Variants in AFDN observed in about 807,000 individuals in gnomAD.
AFDN encodes the protein afadin.
A neutral mutation model predicts 216.6 loss-of-function variants in AFDN; 68 were observed. The observed-to-expected ratio is 0.31, with a 90% CI of 0.26 to 0.38. The LOEUF is 0.38. Among genes scored for constraint, AFDN ranks in the 10% least tolerant of loss-of-function variants. The pLI, the probability that AFDN is intolerant of heterozygous loss-of-function variation, is 1.00. For synonymous variants in AFDN, 868 were observed against 853.7 expected (o/e 1.02, Z -0.29); for missense variants, 2,136 against 2,342.0 (o/e 0.91, Z 1.82).
intron 23 of AFDN, among the ~76,000 whole-genome samples, chr6:167,934,284 G>A (rs1332245216): frequency 6.6e-6 from 1 of 152,170 alleles, no homozygotes; most frequent in Non-Finnish European, 1.5e-5. Context: ...CTTGCTCATA[G>A]ATATCAAGCT....
chr6:167,969,261 C>T lies in AFDN; in HGVS notation c.5342+63C>T, dbSNP rs921319683. On this transcript the variant is annotated intron_variant, in intron 33 of 33. Transcript: ENST00000683244. Reference sequence around the variant, plus strand: ...ACCTGATGAGCCCTTTCACTCTTCACGACACCTTGAGATTATGTAAACAGA... The same window carrying T: ...ACCTGATGAGCCCTTTCACTCTTCATGACACCTTGAGATTATGTAAACAGA... The T allele has an allele frequency of 2.7e-5, 34 of 1,242,670 alleles. No homozygotes were observed. In the South Asian group the frequency reaches 2.8e-4, roughly 10 times the overall value. The allele number at this position is 1,242,670 out of a possible 1,614,324, so 77.0% of individuals were successfully genotyped here.
In AFDN at chr6:167,898,453, A is replaced by G. The variant is rs772175077; in HGVS notation, c.1566A>G (p.Pro522=). Residue 522 remains proline (P), a synonymous_variant, in exon 11 of 34, where the codon CCA becomes CCG. Coordinates refer to ENST00000683244, the MANE Select transcript of AFDN (RefSeq NM_001386888.1). The part of the protein sequence containing the change: ...SVDGGLMVKG[P]RHKPGIVQET... ...ATGGAGGCCTGATGGTTAAGGGCCCAAGACATAAACCTGGGTAAATAGATT... is the reference window on the plus strand; with the variant it reads ...ATGGAGGCCTGATGGTTAAGGGCCCGAGACATAAACCTGGGTAAATAGATT... 1.2e-6 allele frequency: 2 copies of G among 1,614,180 alleles called. No homozygotes were observed. Among genetic ancestry groups the G allele is most frequent in the Admixed American group, 1.7e-5 (1 of 60,030 alleles).
chr6:167,909,224 A>G (rs1644553816), intron 13 of AFDN, among the ~76,000 whole-genome samples: 1 of 152,112 alleles, frequency 6.6e-6, no homozygotes, highest in South Asian at 2.1e-4. Flanking sequence ...AAATCATTAG[A>G]TCATAAACTA....
At chr6:167,906,376 T>C (rs898055912) in intron 12 of AFDN, among the ~76,000 whole-genome samples, 1 of 152,178 alleles carries the variant, frequency 6.6e-6, no homozygotes, top group Non-Finnish European at 1.5e-5. Context: ...ATGGAAAATA[T>C]GAAAAGCTGG....
chr6:167,956,382 G>T (rs1434177378), intron 30 of AFDN, among the ~76,000 whole-genome samples: 1 of 152,058 alleles, frequency 6.6e-6, no homozygotes, highest in South Asian at 2.1e-4. Context: ...AAAGTTGGGA[G>T]GCTGCCTGCA....
chr6:167,861,184 G>C (rs1170680270), intron 1 of AFDN, among the ~76,000 whole-genome samples: 4 of 152,102 alleles, frequency 2.6e-5, no homozygotes, highest in Non-Finnish European at 5.9e-5. Flanking sequence ...AGATTCTGTG[G>C]AATTATTCAC....
At chr6:167,831,555 G>GA (rs1413931685) in intron 1 of AFDN, among the ~76,000 whole-genome samples, 1 of 152,122 alleles carries the variant, frequency 6.6e-6, no homozygotes, top group Non-Finnish European at 1.5e-5. Flanking sequence ...TCCTGCCAGT[G>GA]AAAAATAATT....
At position 167,956,120 on chromosome 6, in the gene AFDN, A is replaced by C. The variant is rs1018200132; in HGVS notation, c.4833+3933A>C. Among the ~76,000 whole-genome samples the C allele has an allele frequency of 1.0e-4, 15 of 149,764 alleles. 1 individual carries two copies. The highest frequency in any genetic ancestry group is 3.5e-3 in the Middle Eastern group (1 of 286). Reference sequence around the variant, plus strand: ...ACAGAGCGAGACTTTGGCTCAAAAAAAAAAAAAAAAAAAAAAAAAACTATA... The same window carrying C: ...ACAGAGCGAGACTTTGGCTCAAAAACAAAAAAAAAAAAAAAAAAAACTATA... On this transcript the variant is annotated intron_variant, in intron 30 of 33. Transcript: ENST00000683244.
chr6:167,861,619 A>C (rs1783583787), intron 1 of AFDN, among the ~76,000 whole-genome samples: 1 of 152,130 alleles, frequency 6.6e-6, no homozygotes, highest in East Asian at 1.9e-4. Context: ...CATGAAGGTG[A>C]CTTTAAGTGG....
Position 167,924,946 on chromosome 6 carries a change from A to G in AFDN, c.3013-59A>G, listed in dbSNP as rs114797044. On this transcript the variant is annotated intron_variant, in intron 22 of 33. Coordinates refer to ENST00000683244, the MANE Select transcript of AFDN (RefSeq NM_001386888.1). The stretch of plus-strand genomic sequence containing the variant: ...TGATTGACTAGATCATGAGTTGTCT[A>G]ACCATACAGAAGCACTTCCATTTCA... 2,976 of 1,184,202 alleles carry G rather than the reference A, an allele frequency of 2.5e-3. 60 individuals carry two copies. The African/African-American group carries it at 0.037, about 15-fold the overall frequency. The allele number at this position is 1,184,202 out of a possible 1,614,324, so 73.4% of individuals were successfully genotyped here.
rs1381224367 is a variant in AFDN, at chr6:167,970,656, T to C, written c.*721T>C. On this transcript the variant is annotated 3_prime_UTR_variant, in exon 34 of 34. Transcript: ENST00000683244. ...TTTTGAGGATTTAAGCTTAGGGGATTTTATTTTTATAAATACCAGATTATT... is the reference window on the plus strand; with the variant it reads ...TTTTGAGGATTTAAGCTTAGGGGATCTTATTTTTATAAATACCAGATTATT... 2 of 209,076 alleles carry C rather than the reference T, an allele frequency of 9.6e-6. No homozygotes were observed. Among genetic ancestry groups the C allele is most frequent in the African/African-American group, 4.5e-5 (2 of 43,966 alleles). The allele number at this position is 209,076 out of a possible 1,614,324, so 13.0% of individuals were successfully genotyped here.
chr6:167,884,832 A>C (rs1158453407), intron 6 of AFDN, among the ~76,000 whole-genome samples: 4 of 152,210 alleles, frequency 2.6e-5, no homozygotes, highest in African/African-American at 9.7e-5. Flanking sequence ...TGTTCTTTGA[A>C]GCTTCGAAGC....
Position 167,951,867 on chromosome 6 carries a change from A to G in AFDN, c.4513A>G (p.Ile1505Val). 1 of 1,614,024 alleles carries G rather than the reference A, an allele frequency of 6.2e-7. No individual in the cohort carries two copies. ...RTIERRDLQY[I>V]TVSKEELSSG... ...GATCGAGCGCAGAGACTTGCAGTAC[A>G]TTACAGTCAGCAAAGAGGAGCTTTC... is the stretch of plus-strand genomic sequence containing the variant. The change falls in exon 30 of 34, where the codon ATT (isoleucine) becomes GTT (valine). Residue 1505 changes from isoleucine to valine, a missense_variant. Around this residue, in one of 8 missense-constraint regions of AFDN, gnomAD observed 981 missense variants for 966.0 expected, o/e 1.02. Transcript: ENST00000683244. This position sits in a 1 kb window ranked among gnomAD's most constrained non-coding sequence, Gnocchi z 7.1.
At chr6:167,826,823 G>C (rs941730285), upstream of AFDN, 9 of 140,546 alleles carry the variant, frequency 6.4e-5, no homozygotes, top group African/African-American at 2.2e-4. Context: ...GGCGCCGCGC[G>C]GGGCGGCGGC....
intron 22 of AFDN, among the ~76,000 whole-genome samples, chr6:167,923,740 C>T (rs1037661509): frequency 2.6e-5 from 4 of 151,174 alleles, no homozygotes; most frequent in African/African-American, 9.7e-5. Flanking sequence ...TCTCCTGCCT[C>T]AGCCTCCCAG....
intron 21 of AFDN, among the ~76,000 whole-genome samples, chr6:167,920,644 A>G (rs560135311): frequency 2.0e-5 from 3 of 152,124 alleles, no homozygotes; most frequent in Non-Finnish European, 4.4e-5. Context: ...TTCCTCTGTC[A>G]TGTGTGGGAT....
At chr6:167,826,858 C>CG (rs1454688631), upstream of AFDN, 2 of 137,106 alleles carry the variant, frequency 1.5e-5, no homozygotes, top group African/African-American at 2.5e-5. Flanking sequence ...GCGGCGCGCA[C>CG]GGCGGCGGGC....
chr6:167,905,269 G>A (rs891948482), intron 12 of AFDN, among the ~76,000 whole-genome samples: 1 of 152,146 alleles, frequency 6.6e-6, no homozygotes, highest in African/African-American at 2.4e-5. Flanking sequence ...TGCAAGTGGG[G>A]CTCCTGTTTC....
chr6:167,969,147 C>A lies in AFDN; in HGVS notation c.5291C>A (p.Ala1764Asp). 1 of 1,613,974 alleles carries A rather than the reference C, an allele frequency of 6.2e-7. No individual in the cohort carries two copies. Among genetic ancestry groups the A allele is most frequent in the Non-Finnish European group, 8.5e-7 (1 of 1,179,862 alleles). Residue 1764 changes from alanine to aspartate, a missense_variant, in exon 33 of 34, where the codon GCT (alanine) becomes GAT (aspartate). By Grantham distance (126) the Ala-to-Asp change is moderately radical (BLOSUM62 -2). Coordinates refer to ENST00000683244, the MANE Select transcript of AFDN (RefSeq NM_001386888.1). ...PNSYPGSTGA[A>D]VGAHDACRDA... ...TCTTACCCAGGATCTACTGGAGCAG[C>A]TGTTGGAGCCCATGACGCCTGTCGG...
Sources: gnomAD v4.1 joint callset for allele counts (sites outside exome capture counted in the v4.1 genomes callset) on GRCh38, gnomAD v4.1.1 for gene constraint, gnomAD v4.1.1 regional missense constraint, Gnocchi (gnomAD v3.1) non-coding constraint, MANE v1.5 for transcripts, NCBI Gene and HGNC (gene_info 2026-07-23, HGNC 2026-07-21) for gene names.